The following ZPLD1 variants were observed in gnomAD, a reference collection of about 807,000 sequenced individuals.
ZPLD1 encodes the protein zona pellucida like domain containing 1.
In ZPLD1, 34 loss-of-function variants were observed where a neutral mutation model predicts 47.2. The observed-to-expected ratio is 0.72, with a 90% CI of 0.55 to 0.96. The LOEUF is 0.96. Ranked by LOEUF, ZPLD1 falls within the 40% of genes least tolerant of loss-of-function variation. The pLI is 0.00. For missense variants in ZPLD1, 512 were observed against 505.8 expected (o/e 1.01, Z -0.12); for synonymous variants, 176 against 186.2 (o/e 0.95, Z 0.45).
intron 5 of ZPLD1, among the ~76,000 whole-genome samples, chr3:102,456,609 C>T (rs1707421672): frequency 6.8e-6 from 1 of 146,024 alleles, no homozygotes; most frequent in Non-Finnish European, 1.5e-5. Flanking sequence ...TTGTTATGAT[C>T]CATAACAGAC....
At chr3:102,474,790 T>C (rs139645631) in intron 10 of ZPLD1, among the ~76,000 whole-genome samples, 1 of 152,266 alleles carries the variant, frequency 6.6e-6, no homozygotes, top group African/African-American at 2.4e-5. Flanking sequence ...TTCAAATAGA[T>C]AAATATACTC....
At chr3:102,435,307 GTCCTTT>G (rs1559750328) in intron 1 of ZPLD1, among the ~76,000 whole-genome samples, 153 bp downstream of exon 1, 1 of 152,192 alleles carries the variant, frequency 6.6e-6, no homozygotes, top group Non-Finnish European at 1.5e-5. Context: ...AGATATGGGT[GTCCTTT>G]TAAAATTCCT....
At chr3:102,435,285 T>C in intron 1 of ZPLD1, 131 bp downstream of exon 1, 1 of 970,008 alleles carries the variant, frequency 1.0e-6, no homozygotes, top group Admixed American at 2.0e-5. Context: ...ATAGGGATAC[T>C]GCCTTTATAA....
At chr3:102,458,375 A>G (rs959698213) in intron 6 of ZPLD1, among the ~76,000 whole-genome samples, 2 of 152,184 alleles carry the variant, frequency 1.3e-5, no homozygotes, top group African/African-American at 4.8e-5. Context: ...TCATGTAAAT[A>G]TCGACATTGG....
rs754412992 is a variant in ZPLD1 at position 102,469,100 on chromosome 3, C to T, written c.898C>T (p.Leu300Phe). Residue 300 changes from leucine to phenylalanine, a missense_variant, in exon 9 of 12, where the codon CTC becomes TTC. Coordinates refer to ENST00000466937, the MANE Select transcript of ZPLD1 (RefSeq NM_001329788.2). ...TGTCTTCTTGCACTGCGTTACCAAG[C>T]TCTGCAGAGCAGATGACTGCCCCTT... ...STVFLHCVTK[L>F]CRADDCPFLM... The T allele has an allele frequency of 1.9e-6, 3 of 1,613,720 alleles. No homozygotes were observed. The highest frequency in any genetic ancestry group is 8.5e-7 in the Non-Finnish European group (1 of 1,179,882).
intron 10 of ZPLD1, among the ~76,000 whole-genome samples, chr3:102,473,740 A>T (rs1707718202): frequency 1.3e-5 from 2 of 152,202 alleles, no homozygotes; most frequent in South Asian, 4.1e-4. Flanking sequence ...CCACATGAAC[A>T]CAGAACTCAG....
At chr3:102,476,958 G>C (rs903500488) in intron 10 of ZPLD1, 54 bp from the exon 11 acceptor site, 20 of 1,579,076 alleles carry the variant, frequency 1.3e-5, no homozygotes, top group Non-Finnish European at 1.7e-5. Context: ...AATAAACAAA[G>C]GTAAATATTT....
At chr3:102,403,663 C>A (rs1174452096) in intron 7 of ZPLD1, among the ~76,000 whole-genome samples, 1 of 151,882 alleles carries the variant, frequency 6.6e-6, no homozygotes, top group Admixed American at 6.6e-5. Context: ...CTTCACAAAT[C>A]AGGAAATTAA....
chr3:102,390,985 C>T (rs1043465532), intron 6 of ZPLD1, among the ~76,000 whole-genome samples: 1 of 151,960 alleles, frequency 6.6e-6, no homozygotes, highest in Non-Finnish European at 1.5e-5. Context: ...AAGTTATAGA[C>T]TAAGTAAATT....
At position 102,453,048 on chromosome 3, in the gene ZPLD1, G is replaced by A; in HGVS notation, c.236G>A (p.Cys79Tyr). 6.2e-7 allele frequency: 1 copy of A among 1,614,140 alleles called. No homozygotes were observed. The highest frequency in any genetic ancestry group is 8.5e-7 in the Non-Finnish European group (1 of 1,180,000). ...AATGGAAGGCATGGGGACTCCCACTGCAGAGGGTTCATCAATAACAACACC... is the reference window on the plus strand; with the variant it reads ...AATGGAAGGCATGGGGACTCCCACTACAGAGGGTTCATCAATAACAACACC... ...ALNGRHGDSHCRGFINNNTFP... is the reference protein window; with the variant it reads ...ALNGRHGDSHYRGFINNNTFP... Residue 79 changes from cysteine (C) to tyrosine (Y), a missense_variant, in exon 4 of 12, where the codon TGC becomes TAC. Coordinates refer to ENST00000466937, the MANE Select transcript of ZPLD1 (RefSeq NM_001329788.2).
intron 8 of ZPLD1, among the ~76,000 whole-genome samples, chr3:102,467,255 G>C (rs1233242683): frequency 6.6e-6 from 1 of 152,008 alleles, no homozygotes; most frequent in Non-Finnish European, 1.5e-5. Flanking sequence ...ATGAAAATAT[G>C]AACCAATGTT....
intron 7 of ZPLD1, among the ~76,000 whole-genome samples, chr3:102,404,340 G>A (rs1156449008): frequency 6.6e-6 from 1 of 151,944 alleles, no homozygotes; most frequent in Non-Finnish European, 1.5e-5. Flanking sequence ...TTACCACTAA[G>A]TTGTCCCGCT....
intron 6 of ZPLD1, among the ~76,000 whole-genome samples, chr3:102,391,746 G>T (rs1019344233): frequency 2.6e-5 from 4 of 151,992 alleles, no homozygotes; most frequent in African/African-American, 9.7e-5. Flanking sequence ...TTGCAGATTT[G>T]CGAGCAAAAT....
chr3:102,460,126 C>G (rs1020086557), intron 6 of ZPLD1, among the ~76,000 whole-genome samples: 2 of 151,968 alleles, frequency 1.3e-5, no homozygotes, highest in Non-Finnish European at 2.9e-5. Flanking sequence ...GAAATATTAA[C>G]ATGTAGCTAG....
At chr3:102,442,709 T>C (rs930781000) in intron 3 of ZPLD1, among the ~76,000 whole-genome samples, 6 of 152,082 alleles carry the variant, frequency 3.9e-5, no homozygotes, top group African/African-American at 1.4e-4. Flanking sequence ...CAAAGCAATG[T>C]TAATAATGAT....
intron 10 of ZPLD1, among the ~76,000 whole-genome samples, chr3:102,474,035 C>T (rs1236612534): frequency 6.6e-6 from 1 of 152,142 alleles, no homozygotes; most frequent in African/African-American, 2.4e-5. Flanking sequence ...AGTTGTTAAA[C>T]CTGAGAACTC....
intron 6 of ZPLD1, among the ~76,000 whole-genome samples, chr3:102,389,957 G>T (rs905250528): frequency 6.6e-6 from 1 of 152,180 alleles, no homozygotes; most frequent in African/African-American, 2.4e-5. Flanking sequence ...ATAGCATATT[G>T]GATATTGAAA....
At chr3:102,435,894 G>A (rs372678350) in intron 1 of ZPLD1, among the ~76,000 whole-genome samples, 1 of 151,960 alleles carries the variant, frequency 6.6e-6, no homozygotes. Flanking sequence ...CACCCGCCTC[G>A]GCCTCCCAGA....
rs568181359 is a variant in ZPLD1 at position 102,390,030 on chromosome 3, A to C, written c.-212-2140A>C. 1.8e-4 allele frequency among the ~76,000 whole-genome samples: 27 copies of C among 152,322 alleles called. No homozygotes were observed. The South Asian group carries it at 5.4e-3, about 30-fold the overall frequency. ...GAAGGGATACTTGTAAAGTAGGCTA[A>C]AAAGAAATACTTAATGTGTTACACC... On this transcript the variant is annotated intron_variant, in intron 6 of 17. Transcript: ENST00000491959.
Sources: allele counts gnomAD v4.1 joint callset (sites outside exome capture counted in the v4.1 genomes callset), GRCh38; gene constraint gnomAD v4.1.1; transcripts MANE v1.5; gene names NCBI Gene and HGNC (gene_info 2026-07-23, HGNC 2026-07-21).